EFR3B: variants seen among roughly 807,000 people sequenced by gnomAD.
EFR3B encodes the protein protein EFR3 homolog B.
In EFR3B, 64 loss-of-function variants were observed where a neutral mutation model predicts 104.7. That is an observed-to-expected ratio of 0.61 (90% CI 0.50 to 0.75). EFR3B has a LOEUF of 0.75. EFR3B is among the 30% of genes least tolerant of loss of function. The pLI is 0.00. For synonymous variants in EFR3B, 385 were observed against 417.9 expected (o/e 0.92, Z 0.96); for missense variants, 750 against 1,078.5 (o/e 0.70, Z 4.27).
intron 12 of EFR3B, among the ~76,000 whole-genome samples, chr2:25,134,447 G>A (rs922416866): frequency 6.6e-6 from 1 of 152,176 alleles, no homozygotes; most frequent in Admixed American, 6.5e-5. Flanking sequence ...TGGGATTACA[G>A]GCATGAGCCA....
chr2:25,115,797 T>C (rs745425974), intron 4 of EFR3B, among the ~76,000 whole-genome samples: 1 of 152,232 alleles, frequency 6.6e-6, no homozygotes, highest in Non-Finnish European at 1.5e-5. Context: ...CACTGACGTG[T>C]TAAGCAGTGA....
chr2:25,051,595 C>T (rs1460525426), intron 1 of EFR3B, among the ~76,000 whole-genome samples: 1 of 151,014 alleles, frequency 6.6e-6, no homozygotes, highest in Non-Finnish European at 1.5e-5. Flanking sequence ...ACTGTAAGCT[C>T]CATGAAAGCA....
At chr2:25,106,225 G>C (rs1357180952) in intron 4 of EFR3B, among the ~76,000 whole-genome samples, 2 of 152,174 alleles carry the variant, frequency 1.3e-5, no homozygotes, top group Admixed American at 6.5e-5. Flanking sequence ...AGGGGAAAGG[G>C]GGCCTAGGAG....
chr2:25,071,202 C>T lies in EFR3B; in HGVS notation c.8-20123C>T, dbSNP rs1302384213. ...GTCTTGATCTCCTGACCTCGTGATCCGCCTGCCTTGGCCTCCCAAAGTGCT... is the reference window on the plus strand; with the variant it reads ...GTCTTGATCTCCTGACCTCGTGATCTGCCTGCCTTGGCCTCCCAAAGTGCT... On this transcript the variant is annotated intron_variant, in intron 1 of 22. Coordinates refer to ENST00000403714, the MANE Select transcript of EFR3B (RefSeq NM_014971.2). Among the ~76,000 whole-genome samples the T allele has an allele frequency of 4.0e-5, 6 of 151,534 alleles. No homozygotes were observed. In the South Asian group the frequency reaches 8.3e-4, roughly 21 times the overall value.
At position 25,127,984 on chromosome 2, in the gene EFR3B, T is replaced by C. The variant is rs548511514; in HGVS notation, c.486-199T>C. On this transcript the variant is annotated intron_variant, in intron 5 of 22. Transcript: ENST00000403714. Reference sequence around the variant, plus strand: ...AAGGGCAGCCTGGGAGTCTCCAAGATGATTAAAAAGACATGGCTTCCTGGG... The same window carrying C: ...AAGGGCAGCCTGGGAGTCTCCAAGACGATTAAAAAGACATGGCTTCCTGGG... Among the ~76,000 whole-genome samples the C allele has an allele frequency of 6.6e-5, 10 of 152,214 alleles. No homozygotes were observed. The South Asian group carries it at 8.3e-4, about 13-fold the overall frequency.
chr2:25,129,640 G>C (rs183402177), intron 6 of EFR3B, among the ~76,000 whole-genome samples: 4 of 151,650 alleles, frequency 2.6e-5, no homozygotes, highest in Admixed American at 2.6e-4. Flanking sequence ...TTTTCCTTCT[G>C]AAGTCTTAGG....
intron 4 of EFR3B, among the ~76,000 whole-genome samples, chr2:25,120,622 G>A (rs906296317): frequency 1.3e-5 from 2 of 150,416 alleles, no homozygotes; most frequent in South Asian, 2.1e-4. Context: ...CCAGCCTGGC[G>A]ACAGAGCAAG....
At chr2:25,081,821 T>C (rs1444484176) in intron 1 of EFR3B, 9 of 326,280 alleles carry the variant, frequency 2.8e-5, no homozygotes, top group Non-Finnish European at 5.0e-5. Context: ...AAGGAAATAA[T>C]GTATCTCAGT....
chr2:25,083,934 C>T (rs527889215), intron 1 of EFR3B, among the ~76,000 whole-genome samples: 2 of 152,284 alleles, frequency 1.3e-5, no homozygotes, highest in East Asian at 3.9e-4. Context: ...ATGCACTGAC[C>T]TAGTGGTTCT....
chr2:25,079,672 G>A (rs1029756607), intron 1 of EFR3B, among the ~76,000 whole-genome samples: 1 of 152,118 alleles, frequency 6.6e-6, no homozygotes, highest in Non-Finnish European at 1.5e-5. Flanking sequence ...TGTAGGAGAA[G>A]CAAATAAGAC....
chr2:25,115,541 C>G (rs755102107), intron 4 of EFR3B, among the ~76,000 whole-genome samples: 1 of 152,152 alleles, frequency 6.6e-6, no homozygotes, highest in African/African-American at 2.4e-5. Flanking sequence ...GAAAATGATG[C>G]GTCAATAGGT....
At chr2:25,121,581 G>A (rs767931434) in intron 4 of EFR3B, 92 bp from the exon 5 acceptor site, 4 of 1,500,640 alleles carry the variant, frequency 2.7e-6, no homozygotes, top group Non-Finnish European at 3.6e-6. Context: ...GGTTCCCATG[G>A]CTTGACCATG....
chr2:25,093,035 G>A lies in EFR3B; in HGVS notation c.117G>A (p.Leu39=). 6.5e-7 allele frequency: 1 copy of A among 1,549,190 alleles called. No homozygotes were observed. Among genetic ancestry groups the A allele is most frequent in the East Asian group, 2.4e-5 (1 of 40,928 alleles). The stretch of plus-strand genomic sequence containing the variant: ...TGGTGAAGACCAACATGGAGAAGCT[G>A]ACCTTCTATGCCCTCTCAGCTCCAG... ...DGLVKTNMEK[L]TFYALSAPEK... The change falls in exon 3 of 23, where the codon CTG becomes CTA. Residue 39 remains leucine, a synonymous_variant. Transcript: ENST00000403714.
intron 4 of EFR3B, among the ~76,000 whole-genome samples, chr2:25,108,961 G>T (rs546026821): frequency 2.0e-5 from 3 of 151,910 alleles, no homozygotes; most frequent in Non-Finnish European, 4.4e-5. Context: ...AGCCGAGATC[G>T]CTCCACTGCA....
chr2:25,132,928 C>A lies in EFR3B; in HGVS notation c.1173C>A (p.Thr391=), dbSNP rs1275138284. Residue 391 remains threonine (T), a synonymous_variant, in exon 11 of 23, where the codon ACC becomes ACA. Coordinates refer to ENST00000403714, the MANE Select transcript of EFR3B (RefSeq NM_014971.2). ...GCTCCTTTGCCAGCACGCTGCCCAC[C>A]TACCAGCGCTCCGAGGTGATCCTCT... ...TVGSFASTLP[T]YQRSEVILFI... 4 of 1,551,340 alleles carry A rather than the reference C, an allele frequency of 2.6e-6. No homozygotes were observed. Among genetic ancestry groups the A allele is most frequent in the Admixed American group, 3.9e-5 (2 of 51,004 alleles).
intron 1 of EFR3B, among the ~76,000 whole-genome samples, chr2:25,051,792 CT>C (rs1192038503): frequency 1.3e-5 from 2 of 151,398 alleles, no homozygotes; most frequent in African/African-American, 4.8e-5. Context: ...TGCACCACCA[CT>C]CCTGCCTGGT....
chr2:25,077,294 T>A (rs1320078173), intron 1 of EFR3B, among the ~76,000 whole-genome samples: 1 of 147,868 alleles, frequency 6.8e-6, no homozygotes, highest in African/African-American at 2.5e-5. Context: ...GTTTTAAAAC[T>A]TTTTTTTTTT....
intron 1 of EFR3B, chr2:25,080,635 G>A: frequency 1.7e-6 from 1 of 596,190 alleles, no homozygotes; most frequent in Non-Finnish European, 3.0e-6. Context: ...GGCCAAACCA[G>A]CACCATTTAC....
In EFR3B at chr2:25,141,399, A is replaced by C; in HGVS notation, c.1888A>C (p.Met630Leu). The change falls in exon 17 of 23, where the codon ATG becomes CTG. Residue 630 changes from methionine to leucine, a missense_variant. By Grantham distance (15) the Met-to-Leu change is conservative (BLOSUM62 2). Coordinates refer to ENST00000403714, the MANE Select transcript of EFR3B (RefSeq NM_014971.2). ...IETRKKEAPY[M>L]LPEDVFVERP... ...GACCAGGAAGAAAGAGGCTCCATAC[A>C]TGCTCCCCGAGGATGTGTTTGTGGA... The C allele has an allele frequency of 6.4e-7, 1 of 1,551,466 alleles. No homozygotes were observed. The highest frequency in any genetic ancestry group is 8.7e-7 in the Non-Finnish European group (1 of 1,146,872).
Sources: gnomAD v4.1 joint callset for allele counts (sites outside exome capture counted in the v4.1 genomes callset) on GRCh38, gnomAD v4.1.1 for gene constraint, MANE v1.5 for transcripts, NCBI Gene and HGNC (gene_info 2026-07-23, HGNC 2026-07-21) for gene names.